DYNLL2: variants seen among roughly 807,000 people sequenced by gnomAD.
DYNLL2 encodes dynein light chain LC8-type 2, also known as dynein light chain 2, cytoplasmic.
DYNLL2 carries 1 observed loss-of-function variant against 9.7 expected under a neutral mutation model. The observed-to-expected ratio is 0.10, with a 90% CI of 0.04 to 0.49. The LOEUF (loss-of-function observed/expected upper bound fraction) is 0.49, where lower values mean the gene tolerates loss of function less well. Ranked by LOEUF, DYNLL2 falls within the 20% of genes least tolerant of loss-of-function variation. The pLI is 0.95. For missense variants in DYNLL2, 37 were observed against 115.2 expected, an observed-to-expected ratio of 0.32 and a Z score of 3.11; for synonymous variants, 35 against 40.5, an observed-to-expected ratio of 0.86 and a Z score of 0.52.
rs1395919155 is a variant in DYNLL2, at chr17:58,083,572, G to C, written c.-121G>C. The C allele has an allele frequency of 6.5e-6, 1 of 153,896 alleles. No homozygotes were observed. Among genetic ancestry groups the C allele is most frequent in the Non-Finnish European group, 1.4e-5 (1 of 69,160 alleles). 9.5% of individuals were successfully genotyped at this position (153,896 alleles called of 1,614,324 possible). ...GGCTGCGGGAGCCGGAGACCGCGGC[G>C]GCGGCGGCTGCTGCAGCTGCAGGAG... On this transcript the variant is annotated 5_prime_UTR_variant, in exon 1 of 3. Coordinates refer to ENST00000579991, the MANE Select transcript of DYNLL2 (RefSeq NM_080677.3).
Position 58,089,356 on chromosome 17 carries a change from A to C in DYNLL2, c.*77A>C. On this transcript the variant is annotated 3_prime_UTR_variant, in exon 3 of 3. Coordinates refer to ENST00000579991, the MANE Select transcript of DYNLL2 (RefSeq NM_080677.3). The stretch of plus-strand genomic sequence containing the variant: ...CGTTGCTGGGACTGTTTTGCACTGG[A>C]GCCAGCATCAGGATGTCCTCTCCAA... The C allele has an allele frequency of 6.4e-7, 1 of 1,550,592 alleles. No individual in the cohort carries two copies. The highest frequency in any genetic ancestry group is 1.4e-5 in the African/African-American group (1 of 73,078).
In DYNLL2 at chr17:58,090,065, T is replaced by C; in HGVS notation, c.*786T>C. 1 of 395,644 alleles carries C rather than the reference T, an allele frequency of 2.5e-6. No individual in the cohort carries two copies. Among genetic ancestry groups the C allele is most frequent in the Non-Finnish European group, 4.4e-6 (1 of 224,762 alleles). 24.5% of individuals were successfully genotyped at this position (395,644 alleles called of 1,614,324 possible). A position where few individuals can be genotyped will look rare whatever the true frequency, so the allele number is the denominator to read the frequency against. On this transcript the variant is annotated 3_prime_UTR_variant, in exon 3 of 3. Transcript: ENST00000579991. ...TTCTTTACATTTTTCTCCTGTCTGC[T>C]CCCTGCTTAGCCCTCAGTTTCCTCA...
rs1265587005 is a variant in DYNLL2, at chr17:58,087,085, C to T, written c.-6C>T. The T allele has an allele frequency of 1.2e-6, 2 of 1,614,026 alleles. No individual in the cohort carries two copies. The highest frequency in any genetic ancestry group is 2.2e-5 in the East Asian group (1 of 44,884). On this transcript the variant is annotated 5_prime_UTR_variant, in exon 2 of 3. Transcript: ENST00000579991. The stretch of plus-strand genomic sequence containing the variant: ...TACCTCTCTGCTCCTTCTGTAGTGT[C>T]ACACCATGTCTGACCGGAAGGCAGT...
chr17:58,093,391 G>GT lies in DYNLL2; in HGVS notation c.*4115dup, dbSNP rs2075787196. 1 of 152,192 alleles carries GT rather than the reference G, an allele frequency of 6.6e-6. No homozygotes were observed. Among genetic ancestry groups the GT allele is most frequent in the Non-Finnish European group, 1.5e-5 (1 of 68,026 alleles). The allele number at this position is 152,192 out of a possible 1,614,324, so 9.4% of individuals were successfully genotyped here. On this transcript the variant is annotated 3_prime_UTR_variant, in exon 3 of 3. Coordinates refer to ENST00000579991, the MANE Select transcript of DYNLL2 (RefSeq NM_080677.3). Reference sequence around the variant, plus strand: ...TGCATTTTATTTTTAAAGCATTTCAGTTTATGTTGCTGAAACCTGAGAGCG... The same window carrying GT: ...TGCATTTTATTTTTAAAGCATTTCAGTTTTATGTTGCTGAAACCTGAGAGCG...
At chr17:58,087,368 G>T in intron 2 of DYNLL2, 146 bp downstream of exon 2, 1 of 1,211,672 alleles carries the variant, frequency 8.3e-7, no homozygotes, top group Middle Eastern at 2.9e-4. Flanking sequence ...AGACAAACTA[G>T]CGAGTGATTC....
chr17:58,083,864 C>T (rs897879326), intron 1 of DYNLL2, among the ~76,000 whole-genome samples, 181 bp downstream of exon 1: 31 of 151,644 alleles, frequency 2.0e-4, no homozygotes, highest in African/African-American at 7.5e-4. Flanking sequence ...GCGCCCCCGC[C>T]GCCCCTCCCT....
chr17:58,090,215 T>C lies in DYNLL2; in HGVS notation c.*936T>C. 1 of 296,024 alleles carries C rather than the reference T, an allele frequency of 3.4e-6. No homozygotes were observed. The highest frequency in any genetic ancestry group is 6.2e-6 in the Non-Finnish European group (1 of 161,598). 18.3% of individuals were successfully genotyped at this position (296,024 alleles called of 1,614,324 possible). A position where few individuals can be genotyped will look rare whatever the true frequency, so the allele number is the denominator to read the frequency against. On this transcript the variant is annotated 3_prime_UTR_variant, in exon 3 of 3. Transcript: ENST00000579991. ...AAATTGATGTCTCCCTTGACTCTTCTGTGTATATGTGTGAATATGTGTGTA... is the reference window on the plus strand; with the variant it reads ...AAATTGATGTCTCCCTTGACTCTTCCGTGTATATGTGTGAATATGTGTGTA...
Position 58,093,658 on chromosome 17 carries a change from C to T in DYNLL2, c.*4379C>T, listed in dbSNP as rs2075788135. The T allele has an allele frequency of 6.6e-6, 1 of 152,170 alleles. No individual in the cohort carries two copies. Among genetic ancestry groups the T allele is most frequent in the African/African-American group, 2.4e-5 (1 of 41,416 alleles). 9.4% of individuals were successfully genotyped at this position (152,170 alleles called of 1,614,324 possible). A position where few individuals can be genotyped will look rare whatever the true frequency, so the allele number is the denominator to read the frequency against. On this transcript the variant is annotated 3_prime_UTR_variant, in exon 3 of 3. Transcript: ENST00000579991. ...TCTTGGGGCTCTGGTTTAGCAAGGA[C>T]AGCGAGGATACTTTCCTCTCTCCCT...
intron 1 of DYNLL2, among the ~76,000 whole-genome samples, chr17:58,086,243 G>T (rs1445728354): frequency 6.6e-6 from 1 of 152,216 alleles, no homozygotes. Context: ...TAGGGCAGGG[G>T]TTGGCAGCAT....
At chr17:58,089,014 AGGGAT>A in intron 2 of DYNLL2, 123 bp from the exon 3 acceptor site, 1 of 1,147,316 alleles carries the variant, frequency 8.7e-7, no homozygotes, top group Non-Finnish European at 1.3e-6. Flanking sequence ...GCTGAGGCTG[AGGGAT>A]GGGGTGGGGG....
chr17:58,084,157 CCGGGGCCTGCGGACCTGGCCGGCGGCG>C (rs2075748601), intron 1 of DYNLL2, among the ~76,000 whole-genome samples: 1 of 151,760 alleles, frequency 6.6e-6, no homozygotes, highest in Non-Finnish European at 1.5e-5. Context: ...GGCCGACCGG[CCGGGGCCTGCGGACCTGGCCGGCGGCG>C]CGGGCGGGAG....
At position 58,093,214 on chromosome 17, in the gene DYNLL2, G is replaced by T. The variant is rs955947302; in HGVS notation, c.*3935G>T. 6.6e-6 allele frequency: 1 copy of T among 152,232 alleles called. No homozygotes were observed. Among genetic ancestry groups the T allele is most frequent in the African/African-American group, 2.4e-5 (1 of 41,458 alleles). The allele number at this position is 152,232 out of a possible 1,614,324, so 9.4% of individuals were successfully genotyped here. A position where few individuals can be genotyped will look rare whatever the true frequency, so the allele number is the denominator to read the frequency against. On this transcript the variant is annotated 3_prime_UTR_variant, in exon 3 of 3. Transcript: ENST00000579991. The stretch of plus-strand genomic sequence containing the variant: ...CCAGGGCAGCCTTGCCTTTTCTGAA[G>T]AGAATGGCTGCCTTAGGCACGGCTC...
chr17:58,090,274 A>G lies in DYNLL2; in HGVS notation c.*995A>G, dbSNP rs115992007. On this transcript the variant is annotated 3_prime_UTR_variant, in exon 3 of 3. Transcript: ENST00000579991. Reference sequence around the variant, plus strand: ...TGTATGTGTGTGTGGGGTTTGGGGTAGAAGGGAGGGAGGGGGCAGGACAGT... The same window carrying G: ...TGTATGTGTGTGTGGGGTTTGGGGTGGAAGGGAGGGAGGGGGCAGGACAGT... 308 of 184,726 alleles carry G rather than the reference A, an allele frequency of 1.7e-3. 3 individuals are homozygous for G. Among genetic ancestry groups the G allele is most frequent in the African/African-American group, 7.0e-3 (299 of 42,636 alleles). The allele number at this position is 184,726 out of a possible 1,614,324, so 11.4% of individuals were successfully genotyped here. A position where few individuals can be genotyped will look rare whatever the true frequency, so the allele number is the denominator to read the frequency against.
chr17:58,088,280 C>A (rs1003733932), intron 2 of DYNLL2, among the ~76,000 whole-genome samples: 8 of 152,162 alleles, frequency 5.3e-5, no homozygotes, highest in Non-Finnish European at 8.8e-5. Flanking sequence ...GAGATTGAAG[C>A]TGGGTTTAGT....
chr17:58,084,524 TTTTCC>T (rs1048132226), intron 1 of DYNLL2, among the ~76,000 whole-genome samples: 1 of 152,050 alleles, frequency 6.6e-6, no homozygotes, highest in Non-Finnish European at 1.5e-5. Context: ...GTCCCTTGCT[TTTTCC>T]CAAGGAGGGA....
Position 58,087,325 on chromosome 17 carries a change from C to T in DYNLL2, c.132+103C>T, listed in dbSNP as rs928547332. ...GGGGACATAAGAAAGCCCGTATATC[C>T]TGTGCAAGCAAAACCCTAGGAACTT... On this transcript the variant is annotated intron_variant, in intron 2 of 2. Transcript: ENST00000579991. 9.4e-6 allele frequency: 14 copies of T among 1,494,462 alleles called. 1 individual carries two copies. The highest frequency in any genetic ancestry group is 1.3e-5 in the Non-Finnish European group (14 of 1,110,888). 92.6% of individuals were successfully genotyped at this position (1,494,462 alleles called of 1,614,324 possible).
Position 58,095,087 on chromosome 17 carries a change from A to G in DYNLL2, c.*5808A>G, listed in dbSNP as rs553161206. ...AGATTTTTGTGTAGATATGTTTTCA[A>G]TTATCTTGGGGCATCTTTTATTTTT... On this transcript the variant is annotated 3_prime_UTR_variant, in exon 3 of 3. Transcript: ENST00000579991. The G allele has an allele frequency of 5.9e-5, 9 of 152,004 alleles. No individual in the cohort carries two copies. The highest frequency in any genetic ancestry group is 3.4e-3 in the Middle Eastern group (1 of 292). 9.4% of individuals were successfully genotyped at this position (152,004 alleles called of 1,614,324 possible). A position where few individuals can be genotyped will look rare whatever the true frequency, so the allele number is the denominator to read the frequency against.
At chr17:58,087,286 G>A in intron 2 of DYNLL2, 64 bp downstream of exon 2, 1 of 1,595,916 alleles carries the variant, frequency 6.3e-7, no homozygotes, top group Non-Finnish European at 8.6e-7. Context: ...TAACCTCCAG[G>A]GAGATCTGGA....
chr17:58,086,955 A>T (rs1180914717), intron 1 of DYNLL2, 127 bp from the exon 2 acceptor site: 1 of 1,143,180 alleles, frequency 8.7e-7, no homozygotes, highest in Non-Finnish European at 1.2e-6. Flanking sequence ...CTAATGCTTC[A>T]CATCCGTGTT....
Sources: gnomAD v4.1 joint callset for allele counts (sites outside exome capture counted in the v4.1 genomes callset) on GRCh38, gnomAD v4.1.1 for gene constraint, MANE v1.5 for transcripts, NCBI Gene and HGNC (gene_info 2026-07-23, HGNC 2026-07-21) for gene names.